Variants in FAM13C observed in about 807,000 individuals in gnomAD.
FAM13C encodes the protein family with sequence similarity 13 member C.
FAM13C carries 37 observed loss-of-function variants against 73.2 expected under a neutral mutation model. The observed-to-expected ratio is 0.51, with a 90% CI of 0.39 to 0.67. The LOEUF (loss-of-function observed/expected upper bound fraction) is 0.67. Among genes scored for constraint, FAM13C ranks in the 30% least tolerant of loss-of-function variants. The probability of loss-of-function intolerance (pLI) is 0.00; values close to 1 mark genes in which losing one functional copy is unlikely to be tolerated. For synonymous variants in FAM13C, 246 were observed against 260.9 expected (o/e 0.94, Z 0.55); for missense variants, 589 against 715.6 (o/e 0.82, Z 2.02).
chr10:59,352,187 C>A, intron 3 of FAM13C, 83 bp downstream of exon 3: 1 of 1,491,062 alleles, frequency 6.7e-7, no homozygotes, highest in Non-Finnish European at 9.2e-7. Context: ...CAAAACAGTG[C>A]GCTCAAATCG....
At chr10:59,280,381 G>C (rs955303168) in intron 6 of FAM13C, among the ~76,000 whole-genome samples, 1 of 152,026 alleles carries the variant, frequency 6.6e-6, no homozygotes, top group Non-Finnish European at 1.5e-5. Context: ...CCAACCCTTG[G>C]ACTTTCTCCT....
intron 5 of FAM13C, among the ~76,000 whole-genome samples, chr10:59,299,801 G>C (rs1697543524): frequency 6.6e-6 from 1 of 152,006 alleles, no homozygotes; most frequent in African/African-American, 2.4e-5. Context: ...CCCAAAATCT[G>C]ATGTCTTACC....
At chr10:59,312,382 T>C (rs1849032272) in intron 4 of FAM13C, among the ~76,000 whole-genome samples, 1 of 152,018 alleles carries the variant, frequency 6.6e-6, no homozygotes, top group African/African-American at 2.4e-5. Context: ...GAGTCATGAG[T>C]CTCTATCCTT....
chr10:59,312,918 C>T (rs1298883740), intron 4 of FAM13C, among the ~76,000 whole-genome samples: 3 of 152,168 alleles, frequency 2.0e-5, no homozygotes, highest in African/African-American at 7.2e-5. Context: ...CAGGTTCTTC[C>T]CATGCCCCCA....
At chr10:59,287,209 C>T (rs937534616) in intron 5 of FAM13C, among the ~76,000 whole-genome samples, 1 of 150,432 alleles carries the variant, frequency 6.6e-6, no homozygotes, top group African/African-American at 2.4e-5. Context: ...TGGTTGGGGG[C>T]GCCAGTAGTC....
chr10:59,266,461 C>G (rs934047436), intron 8 of FAM13C, among the ~76,000 whole-genome samples: 2 of 152,104 alleles, frequency 1.3e-5, no homozygotes, highest in African/African-American at 4.8e-5. Context: ...GGAAGGGGAG[C>G]CTTACACACA....
chr10:59,289,985 C>T (rs528059833), intron 5 of FAM13C, among the ~76,000 whole-genome samples: 1 of 152,322 alleles, frequency 6.6e-6, no homozygotes, highest in East Asian at 1.9e-4. Context: ...TAAGGGCTAA[C>T]AGACCCTGTA....
chr10:59,268,394 C>T (rs1369112512), intron 8 of FAM13C, among the ~76,000 whole-genome samples, 159 bp downstream of exon 8: 1 of 152,006 alleles, frequency 6.6e-6, no homozygotes, highest in Admixed American at 6.6e-5. Context: ...GAGAACAAGA[C>T]AGATAGAAGA....
chr10:59,317,671 G>GTATAATCATAATGCATTCTTGTC (rs1849702142), intron 4 of FAM13C, among the ~76,000 whole-genome samples: 1 of 151,948 alleles, frequency 6.6e-6, no homozygotes, highest in Non-Finnish European at 1.5e-5. Flanking sequence ...CATGATTATT[G>GTATAATCATAATGCATTCTTGTC]TATAATCATA....
chr10:59,299,712 C>T (rs897977867), intron 5 of FAM13C, among the ~76,000 whole-genome samples: 2 of 151,738 alleles, frequency 1.3e-5, no homozygotes, highest in Non-Finnish European at 2.9e-5. Flanking sequence ...CTGACTAAGA[C>T]CAAGGATTAA....
chr10:59,268,537 A>G lies in FAM13C; in HGVS notation c.942+16T>C, dbSNP rs376050032. On this transcript the variant is annotated intron_variant, in intron 8 of 13. Transcript: ENST00000618804. The stretch of plus-strand genomic sequence containing the variant: ...TCTGACCAATCCGCTCCTATGTCAA[A>G]CCCCAGGGTTCTTACCCGGTATTTC... 4.9e-5 allele frequency: 79 copies of G among 1,613,146 alleles called. No individual in the cohort carries two copies. The highest frequency in any genetic ancestry group is 5.9e-5 in the Non-Finnish European group (70 of 1,179,512).
chr10:59,361,771 C>T (rs925917623), intron 1 of FAM13C, among the ~76,000 whole-genome samples: 2 of 152,046 alleles, frequency 1.3e-5, no homozygotes, highest in Admixed American at 6.5e-5. Context: ...CTTGCTGGTA[C>T]GCTCCTTCAT....
At chr10:59,323,849 C>T in intron 4 of FAM13C, 139 bp downstream of exon 4, 2 of 773,880 alleles carry the variant, frequency 2.6e-6, no homozygotes, top group Middle Eastern at 2.8e-4. Flanking sequence ...TTCTAGGCCC[C>T]TTTAAGCAGC....
At chr10:59,262,790 T>C in intron 9 of FAM13C, 145 bp from the exon 10 acceptor site, 1 of 664,672 alleles carries the variant, frequency 1.5e-6, no homozygotes, top group Non-Finnish European at 2.5e-6. Context: ...CGGCAACCCT[T>C]ATAACCAGAG....
At chr10:59,351,579 CTG>C (rs1282635698) in intron 3 of FAM13C, among the ~76,000 whole-genome samples, 1 of 152,126 alleles carries the variant, frequency 6.6e-6, no homozygotes, top group Admixed American at 6.5e-5. Context: ...CTGGATGAAA[CTG>C]AGACTTCTGA....
chr10:59,261,946 A>G (rs1268988784), intron 10 of FAM13C, among the ~76,000 whole-genome samples: 1 of 152,126 alleles, frequency 6.6e-6, no homozygotes, highest in Non-Finnish European at 1.5e-5. Flanking sequence ...TCCAAAGCTG[A>G]AGACTTGTAT....
chr10:59,287,336 CAAAAAAAAAAA>C (rs58759332), intron 5 of FAM13C, among the ~76,000 whole-genome samples: 3 of 73,808 alleles, frequency 4.1e-5, no homozygotes, highest in African/African-American at 1.6e-4. Context: ...GACTCTGTCT[CAAAAAAAAAAA>C]AAAAAAAAAA....
intron 2 of FAM13C, 145 bp downstream of exon 2, chr10:59,355,742 C>T: frequency 1.3e-6 from 1 of 798,140 alleles, no homozygotes; most frequent in Non-Finnish European, 2.0e-6. Context: ...AAAATTTTGT[C>T]AAGAGGTAAA....
chr10:59,295,703 T>C (rs1846835151), intron 5 of FAM13C, among the ~76,000 whole-genome samples: 1 of 152,190 alleles, frequency 6.6e-6, no homozygotes, highest in Non-Finnish European at 1.5e-5. Context: ...CTTGGTAATT[T>C]ATTACCCATT....
Sources: gnomAD v4.1 joint callset for allele counts (sites outside exome capture counted in the v4.1 genomes callset) on GRCh38, gnomAD v4.1.1 for gene constraint, MANE v1.5 for transcripts, NCBI Gene and HGNC (gene_info 2026-07-23, HGNC 2026-07-21) for gene names.